ACYP2: variants seen among roughly 807,000 people sequenced by gnomAD.
ACYP2 encodes the protein acylphosphatase 2, also known as acylphosphatase-2.
Under a neutral mutation model 11.2 loss-of-function variants are expected in ACYP2, and 12 were observed. That is an observed-to-expected ratio of 1.08 (90% CI 0.69 to 1.74). The LOEUF (loss-of-function observed/expected upper bound fraction) is 1.74. Ranked by LOEUF, ACYP2 falls within the 40% of genes most tolerant of loss-of-function variation. ACYP2 has a pLI of 0.00. For missense variants in ACYP2, 134 were observed against 101.9 expected (o/e 1.31, Z -1.35); for synonymous variants, 43 against 32.2 (o/e 1.33, Z -1.13).
chr2:53,975,222 TC>T (rs1372600302), intron 2 of ACYP2: 6 of 317,936 alleles, frequency 1.9e-5, no homozygotes, highest in Non-Finnish European at 3.2e-5. Context: ...AGACTCTGTC[TC>T]AAAAAAAAAA....
intron 2 of ACYP2, among the ~76,000 whole-genome samples, chr2:53,976,339 C>T (rs1050403023): frequency 1.3e-5 from 2 of 152,302 alleles, no homozygotes; most frequent in African/African-American, 4.8e-5. Flanking sequence ...TCCCAAGTAG[C>T]TGGGACTACA....
chr2:54,119,196 G>A (rs1679999524), intron 4 of ACYP2, among the ~76,000 whole-genome samples: 1 of 151,076 alleles, frequency 6.6e-6, no homozygotes. Flanking sequence ...GGGACTACAG[G>A]CATGAGTCAC....
In ACYP2 at chr2:54,119,619, C is replaced by G. The variant is rs139887416; in HGVS notation, c.278-15834C>G. The stretch of plus-strand genomic sequence containing the variant: ...AAAAAATGGAAAATGTTTTAACCCT[C>G]CTGTATGGAAAATTGATCAATGAAT... On this transcript the variant is annotated intron_variant, in intron 4 of 6. Transcript: ENST00000607452. Among the ~76,000 whole-genome samples, 178 of 152,256 alleles carry G rather than the reference C, an allele frequency of 1.2e-3. 1 individual carries two copies. Among genetic ancestry groups the G allele is most frequent in the African/African-American group, 4.2e-3 (173 of 41,550 alleles).
intron 6 of ACYP2, among the ~76,000 whole-genome samples, chr2:54,279,245 T>C (rs752740203): frequency 6.6e-6 from 1 of 152,216 alleles, no homozygotes; most frequent in Non-Finnish European, 1.5e-5. Context: ...GCCCACTGCT[T>C]GTTTTTGTAA....
chr2:54,157,294 C>G (rs1356467182), intron 6 of ACYP2, among the ~76,000 whole-genome samples: 2 of 152,098 alleles, frequency 1.3e-5, no homozygotes, highest in Non-Finnish European at 2.9e-5. Context: ...TTATCTCTGT[C>G]ATTTGTGAAG....
intron 2 of ACYP2, among the ~76,000 whole-genome samples, chr2:54,021,134 T>C (rs111989941): frequency 2.0e-5 from 3 of 152,144 alleles, no homozygotes; most frequent in African/African-American, 4.8e-5. Flanking sequence ...CTAATTCTGA[T>C]TGGCTGTTTT....
At chr2:54,087,697 C>G (rs1035283168) in intron 4 of ACYP2, among the ~76,000 whole-genome samples, 19 of 152,046 alleles carry the variant, frequency 1.2e-4, no homozygotes, top group African/African-American at 3.9e-4. Context: ...CATTATTGCC[C>G]CCAACTTTTC....
At chr2:54,045,398 G>T (rs1337578822) in intron 2 of ACYP2, among the ~76,000 whole-genome samples, 1 of 152,178 alleles carries the variant, frequency 6.6e-6, no homozygotes, top group Non-Finnish European at 1.5e-5. Flanking sequence ...GTGTTACTAT[G>T]CAGTGGGGAT....
At chr2:54,078,406 C>T (rs999802458) in intron 4 of ACYP2, among the ~76,000 whole-genome samples, 19 of 84,036 alleles carry the variant, frequency 2.3e-4, no homozygotes, top group African/African-American at 7.0e-4. Context: ...TATATATATG[C>T]GTACCATATA....
chr2:54,042,427 T>C (rs1675284556), intron 2 of ACYP2, among the ~76,000 whole-genome samples: 1 of 152,244 alleles, frequency 6.6e-6, no homozygotes, highest in African/African-American at 2.4e-5. Context: ...TCTTATATCA[T>C]AGGTCATAGA....
In ACYP2 at chr2:54,185,047, A is replaced by G. The variant is rs544064975; in HGVS notation, c.404+46299A>G. 2.6e-5 allele frequency among the ~76,000 whole-genome samples: 4 copies of G among 152,246 alleles called. No individual in the cohort carries two copies. The South Asian group carries it at 8.3e-4, about 32-fold the overall frequency. On this transcript the variant is annotated intron_variant, in intron 6 of 6. Coordinates refer to ENST00000607452, the MANE Select transcript of ACYP2 (RefSeq NM_001320586.2). ...TTTTTAGTAGAGACGGGGTTTCACCATCTTGGCCAGGCTGATCTTGAACTC... is the reference window on the plus strand; with the variant it reads ...TTTTTAGTAGAGACGGGGTTTCACCGTCTTGGCCAGGCTGATCTTGAACTC...
chr2:54,198,380 A>G (rs1197325720), intron 6 of ACYP2, among the ~76,000 whole-genome samples: 1 of 151,944 alleles, frequency 6.6e-6, no homozygotes, highest in Non-Finnish European at 1.5e-5. Flanking sequence ...AGGGGAAGAG[A>G]GGAAGCCAGG....
rs1683055723 is a variant in ACYP2 at position 54,167,744 on chromosome 2, ATAATTT to A, written c.404+28999_404+29004del. Among the ~76,000 whole-genome samples the A allele has an allele frequency of 2.0e-5, 3 of 152,374 alleles. No homozygotes were observed. In the South Asian group the frequency reaches 6.2e-4, roughly 32 times the overall value. On this transcript the variant is annotated intron_variant, in intron 6 of 6. Transcript: ENST00000607452. Reference sequence around the variant, plus strand: ...ATTTGGGTGAAATGTTATGATATCCATAATTTTATTTAAATACTTTGGGCTTTTATA... The same window carrying A: ...ATTTGGGTGAAATGTTATGATATCCATATTTAAATACTTTGGGCTTTTATA...
chr2:54,062,913 C>G (rs1676542863), intron 4 of ACYP2, among the ~76,000 whole-genome samples: 1 of 152,174 alleles, frequency 6.6e-6, no homozygotes, highest in Non-Finnish European at 1.5e-5. Flanking sequence ...CATGACTTCT[C>G]TGTTCTAGTT....
intron 4 of ACYP2, 52 bp downstream of exon 1, chr2:54,115,808 A>T: frequency 6.6e-7 from 1 of 1,518,198 alleles, no homozygotes; most frequent in Non-Finnish European, 8.9e-7. Flanking sequence ...GAGGAAGGGG[A>T]GAAAGCTGTG....
At chr2:54,084,057 A>G (rs1485885335) in intron 4 of ACYP2, among the ~76,000 whole-genome samples, 1 of 152,192 alleles carries the variant, frequency 6.6e-6, no homozygotes, top group African/African-American at 2.4e-5. Context: ...TAAAAGTATA[A>G]TTTCCAATTT....
intron 6 of ACYP2, among the ~76,000 whole-genome samples, chr2:54,169,128 G>C (rs926707241): frequency 2.6e-5 from 4 of 152,110 alleles, no homozygotes; most frequent in African/African-American, 9.7e-5. Context: ...TTTCCCCACA[G>C]AATGGAAGCT....
chr2:54,097,931 C>T (rs942796182), intron 4 of ACYP2, among the ~76,000 whole-genome samples: 7 of 127,108 alleles, frequency 5.5e-5, no homozygotes, highest in African/African-American at 1.9e-4. Context: ...TTCTTCCTCC[C>T]CCTCCTTCCC....
chr2:54,205,617 C>T (rs1290667899), intron 6 of ACYP2, among the ~76,000 whole-genome samples: 1 of 152,164 alleles, frequency 6.6e-6, no homozygotes, highest in Non-Finnish European at 1.5e-5. Context: ...ATGGTAAAGA[C>T]CCATCTCTTC....
Sources: gnomAD v4.1 joint callset for allele counts (sites outside exome capture counted in the v4.1 genomes callset) on GRCh38, gnomAD v4.1.1 for gene constraint, MANE v1.5 for transcripts, NCBI Gene and HGNC (gene_info 2026-07-23, HGNC 2026-07-21) for gene names.